Variants in DNAH8 observed in about 807,000 individuals in gnomAD.
DNAH8 encodes axonemal beta dynein heavy chain 8.
In DNAH8, 382 loss-of-function variants were observed where a neutral mutation model predicts 562.1. The ratio of observed to expected loss-of-function variants is 0.68; its 90% CI spans 0.63 to 0.74. The LOEUF is 0.74. Among genes scored for constraint, DNAH8 ranks in the 30% least tolerant of loss-of-function variants. DNAH8 has a pLI of 0.00. For synonymous variants in DNAH8, 1,881 were observed against 1,919.4 expected (o/e 0.98, Z 0.52); for missense variants, 5,203 against 5,620.4 (o/e 0.93, Z 2.37).
chr6:38,969,468 A>C (rs1763188476), intron 82 of DNAH8, among the ~76,000 whole-genome samples: 1 of 152,124 alleles, frequency 6.6e-6, no homozygotes, highest in Non-Finnish European at 1.5e-5. Flanking sequence ...AAAGTATAAA[A>C]TATGCTAAGA....
chr6:39,014,229 C>G (rs887410724), intron 91 of DNAH8, among the ~76,000 whole-genome samples: 7 of 152,020 alleles, frequency 4.6e-5, no homozygotes, highest in African/African-American at 1.7e-4. Flanking sequence ...AAGGGCAGCC[C>G]CCAGATTTCA....
intron 21 of DNAH8, among the ~76,000 whole-genome samples, chr6:38,798,039 A>AGACCGTGTCCG: frequency 6.7e-6 from 1 of 149,680 alleles, no homozygotes; most frequent in East Asian, 2.0e-4. Context: ...GACCGTGTCC[A>AGACCGTGTCCG]CTCCAGCCTG....
chr6:38,803,114 G>A, intron 21 of DNAH8, 65 bp from the exon 22 acceptor site: 2 of 1,124,942 alleles, frequency 1.8e-6, no homozygotes, highest in Non-Finnish European at 2.4e-6. Flanking sequence ...TAAAGTCATA[G>A]GACTAATTTT....
At chr6:38,723,673 G>C (rs1455861454) in intron 3 of DNAH8, among the ~76,000 whole-genome samples, 1 of 152,074 alleles carries the variant, frequency 6.6e-6, no homozygotes, top group Middle Eastern at 3.2e-3. Flanking sequence ...CCAGGAGTTT[G>C]AGACTAGCTT....
rs752478642 is a variant in DNAH8, at chr6:38,990,107, C to T, written c.13149C>T (p.Tyr4383=). 15 of 1,604,930 alleles carry T rather than the reference C, an allele frequency of 9.3e-6. 1 individual carries two copies. The South Asian group carries it at 1.7e-4, about 18-fold the overall frequency. Residue 4383 remains tyrosine (Y), a synonymous_variant, in exon 88 of 93, where the codon TAC becomes TAT. Coordinates refer to ENST00000327475, the MANE Select transcript of DNAH8 (RefSeq NM_001206927.2). ...LCKTLDQYFE[Y]IQSLPSLDNP... ...AAACCTTAGACCAGTATTTTGAATACATCCAGTCACTGCCATCCCTAGATA... is the reference window on the plus strand; with the variant it reads ...AAACCTTAGACCAGTATTTTGAATATATCCAGTCACTGCCATCCCTAGATA...
At chr6:38,854,010 CTGTG>C (rs138297793) in intron 41 of DNAH8, among the ~76,000 whole-genome samples, 1 of 149,902 alleles carries the variant, frequency 6.7e-6, no homozygotes, top group African/African-American at 2.5e-5. Context: ...TGGGGACCAT[CTGTG>C]TGTAAGTGCA....
At chr6:38,976,537 T>C (rs542293648) in intron 85 of DNAH8, among the ~76,000 whole-genome samples, 1 of 152,290 alleles carries the variant, frequency 6.6e-6, no homozygotes, top group African/African-American at 2.4e-5. Flanking sequence ...CAGAGACTTG[T>C]TGTCTTGGGC....
Position 38,761,732 on chromosome 6 carries a change from G to T in DNAH8, c.1546G>T (p.Ala516Ser). The T allele has an allele frequency of 6.4e-7, 1 of 1,553,644 alleles. No homozygotes were observed. The highest frequency in any genetic ancestry group is 1.2e-5 in the South Asian group (1 of 82,534). Residue 516 changes from alanine to serine, a missense_variant, in exon 11 of 93, where the codon GCA becomes TCA. Physicochemically the swap from Ala to Ser is moderately conservative, Grantham distance 99. Coordinates refer to ENST00000327475, the MANE Select transcript of DNAH8 (RefSeq NM_001206927.2). ...VTNQMVTACK[A>S]YITDGGLNHV... is the part of the protein sequence containing the mutation. ...AAATCAAATGGTAACAGCATGTAAA[G>T]CATATATTACTGATGGAGGATTAAA...
intron 27 of DNAH8, 104 bp downstream of exon 27, chr6:38,823,138 A>C (rs1260567012): frequency 3.0e-6 from 3 of 1,010,962 alleles, no homozygotes; most frequent in Non-Finnish European, 4.2e-6. Context: ...CCATGAGCAG[A>C]GGCCAAGAAT....
At chr6:38,783,871 GGTTTCTCC>G (rs993275996) in intron 17 of DNAH8, among the ~76,000 whole-genome samples, 35 of 152,238 alleles carry the variant, frequency 2.3e-4, no homozygotes, top group African/African-American at 8.4e-4. Flanking sequence ...TTGGTAGAAA[GGTTTCTCC>G]CTCCCAAACC....
At position 38,855,505 on chromosome 6, in the gene DNAH8, C is replaced by CT. The variant is rs568967153; in HGVS notation, c.5734-2006dup. Reference sequence around the variant, plus strand: ...ATTTATTGCTGTTTTCTCCTTTGTTCTTTTTTTAAATTGACATATAACAAT... The same window carrying CT: ...ATTTATTGCTGTTTTCTCCTTTGTTCTTTTTTTTAAATTGACATATAACAAT... On this transcript the variant is annotated intron_variant, in intron 41 of 92. Coordinates refer to ENST00000327475, the MANE Select transcript of DNAH8 (RefSeq NM_001206927.2). Among the ~76,000 whole-genome samples, 17 of 152,014 alleles carry CT rather than the reference C, an allele frequency of 1.1e-4. 1 individual carries two copies. The South Asian group carries it at 3.3e-3, about 30-fold the overall frequency.
At chr6:38,785,513 A>G (rs34746318) in intron 17 of DNAH8, among the ~76,000 whole-genome samples, 19,191 of 152,078 alleles carry the variant, frequency 0.13, 1,516 homozygotes, top group East Asian at 0.39. Flanking sequence ...TAAGTGATTT[A>G]TTTATTTATT....
At chr6:38,824,595 A>G (rs1302648682) in intron 28 of DNAH8, among the ~76,000 whole-genome samples, 2 of 152,142 alleles carry the variant, frequency 1.3e-5, no homozygotes, top group Admixed American at 1.3e-4. Context: ...TTTTACATCC[A>G]TTATCCACCT....
rs147248864 is a variant in DNAH8 at position 38,792,313 on chromosome 6, C to T, written c.2901+639C>T. Among the ~76,000 whole-genome samples the T allele has an allele frequency of 3.6e-4, 55 of 152,282 alleles. No individual in the cohort carries two copies. In the East Asian group the frequency reaches 0.011, roughly 29 times the overall value. ...ATGTTGGCCAGACTGGTCTCGAACTCCCGACCTCAGGTGATCCACAGCTTT... is the reference window on the plus strand; with the variant it reads ...ATGTTGGCCAGACTGGTCTCGAACTTCCGACCTCAGGTGATCCACAGCTTT... On this transcript the variant is annotated intron_variant, in intron 21 of 92. Coordinates refer to ENST00000327475, the MANE Select transcript of DNAH8 (RefSeq NM_001206927.2).
At chr6:38,770,307 A>T in intron 11 of DNAH8, 106 bp from the exon 12 acceptor site, 2 of 624,872 alleles carry the variant, frequency 3.2e-6, no homozygotes, top group Middle Eastern at 4.6e-4. Flanking sequence ...AACTATACAG[A>T]TTTTCACAGT....
Position 38,734,335 on chromosome 6 carries a change from C to CCA in DNAH8, c.611-139_611-138insCA, listed in dbSNP as rs70981586. The CCA allele has an allele frequency of 0.21, 116,095 of 547,910 alleles. 15,942 individuals are homozygous for CCA. Among genetic ancestry groups the CCA allele is most frequent in the Admixed American group, 0.32 (6,698 of 20,628 alleles). 33.9% of individuals were successfully genotyped at this position (547,910 alleles called of 1,614,324 possible). On this transcript the variant is annotated intron_variant, in intron 4 of 92. Coordinates refer to ENST00000327475, the MANE Select transcript of DNAH8 (RefSeq NM_001206927.2). ...TGGCATCTTCTAGTAGACCCCCCCC[C>CCA]AAAAAAATTATTCTATGACCGTATT...
rs80260878 is a variant in DNAH8, at chr6:38,802,406, A to G, written c.2902-773A>G. On this transcript the variant is annotated intron_variant, in intron 21 of 92. Transcript: ENST00000327475. ...TTATAGGCACAAGACACTGCATCCA[A>G]CTACTTTTCTTTGTCCTAAAATGAG... Among the ~76,000 whole-genome samples the G allele has an allele frequency of 0.011, 1,625 of 152,288 alleles. 79 individuals are homozygous for G. In the East Asian group the frequency reaches 0.14, roughly 13 times the overall value.
At chr6:38,991,014 G>A (rs1303100064) in intron 88 of DNAH8, among the ~76,000 whole-genome samples, 1 of 152,174 alleles carries the variant, frequency 6.6e-6, no homozygotes, top group African/African-American at 2.4e-5. Flanking sequence ...TAAGAGTGGG[G>A]CATTCCTCTC....
chr6:38,974,150 G>A (rs139129886), intron 84 of DNAH8, among the ~76,000 whole-genome samples: 203 of 152,142 alleles, frequency 1.3e-3, no homozygotes, highest in African/African-American at 3.9e-3. Flanking sequence ...TCTGAAAATC[G>A]AAACCCGAAA....
Sources: allele counts gnomAD v4.1 joint callset (sites outside exome capture counted in the v4.1 genomes callset), GRCh38; gene constraint gnomAD v4.1.1; transcripts MANE v1.5; gene names NCBI Gene and HGNC (gene_info 2026-07-23, HGNC 2026-07-21).